KL: variants seen among roughly 807,000 people sequenced by gnomAD.
KL encodes the protein klotho, also known as alpha-klotho.
In KL, 62 loss-of-function variants were observed where a neutral mutation model predicts 84.2. The ratio of observed to expected loss-of-function variants is 0.74; its 90% CI spans 0.60 to 0.91. The LOEUF (loss-of-function observed/expected upper bound fraction) is 0.91. Ranked by LOEUF, KL falls within the 40% of genes least tolerant of loss-of-function variation. The probability of loss-of-function intolerance (pLI) is 0.00; values close to 1 mark genes in which losing one functional copy is unlikely to be tolerated. For missense variants in KL, 1,261 were observed against 1,305.7 expected (o/e 0.97, Z 0.53); for synonymous variants, 528 against 528.0 (o/e 1.00, Z 0.00).
chr13:33,016,644 C>T lies in KL; in HGVS notation c.204C>T (p.Ala68=). The T allele has an allele frequency of 1.3e-6, 2 of 1,576,644 alleles. No homozygotes were observed. Among genetic ancestry groups the T allele is most frequent in the Non-Finnish European group, 1.7e-6 (2 of 1,161,434 alleles). The part of the protein sequence containing the change: ...QGTFPDGFLW[A]VGSAAYQTEG... Reference sequence around the variant, plus strand: ...CCTTCCCCGACGGCTTCCTCTGGGCCGTGGGCAGCGCCGCCTACCAGACCG... The same window carrying T: ...CCTTCCCCGACGGCTTCCTCTGGGCTGTGGGCAGCGCCGCCTACCAGACCG... The change falls in exon 1 of 5, where the codon GCC becomes GCT. Residue 68 remains alanine (A), a synonymous_variant. Coordinates refer to ENST00000380099, the MANE Select transcript of KL (RefSeq NM_004795.4).
intron 1 of KL, among the ~76,000 whole-genome samples, chr13:33,042,286 G>C (rs1228625363): frequency 6.6e-6 from 1 of 152,036 alleles, no homozygotes; most frequent in African/African-American, 2.4e-5. Context: ...GAATTTTGAT[G>C]ACTACATACA....
chr13:33,055,291 G>C lies in KL; in HGVS notation c.1575G>C (p.Trp525Cys). ...LEGTFPCDFA[W>C]GVVDNYIQVD... Reference sequence around the variant, plus strand: ...GGACATTTCCCTGTGACTTTGCTTGGGGAGTTGTTGACAACTACATTCAAG... The same window carrying C: ...GGACATTTCCCTGTGACTTTGCTTGCGGAGTTGTTGACAACTACATTCAAG... The change falls in exon 3 of 5, where the codon TGG becomes TGC. Residue 525 changes from tryptophan to cysteine, a missense_variant. By Grantham distance (215) the Trp-to-Cys change is radical (BLOSUM62 -2). Transcript: ENST00000380099. 1 of 1,614,102 alleles carries C rather than the reference G, an allele frequency of 6.2e-7. No homozygotes were observed. Among genetic ancestry groups the C allele is most frequent in the African/African-American group, 1.3e-5 (1 of 75,020 alleles).
At position 33,064,143 on chromosome 13, in the gene KL, T is replaced by C. The variant is rs757529517; in HGVS notation, c.2996T>C (p.Leu999Pro). 6.2e-7 allele frequency: 1 copy of C among 1,612,532 alleles called. No homozygotes were observed. Among genetic ancestry groups the C allele is most frequent in the East Asian group, 2.2e-5 (1 of 44,884 alleles). Residue 999 changes from leucine to proline, a missense_variant, in exon 5 of 5, where the codon CTT becomes CCT. Transcript: ENST00000380099. Reference sequence around the variant, plus strand: ...TTTGCTTCTATTATTTCTCTCTCCCTTATATTTTACTACTCGAAGAAAGGC... The same window carrying C: ...TTTGCTTCTATTATTTCTCTCTCCCCTATATTTTACTACTCGAAGAAAGGC... ...LFFASIISLS[L>P]IFYYSKKGRR...
chr13:33,024,535 C>T (rs1870689521), intron 1 of KL, among the ~76,000 whole-genome samples: 1 of 152,176 alleles, frequency 6.6e-6, no homozygotes, highest in South Asian at 2.1e-4. Flanking sequence ...GAGTCCAGAG[C>T]CCTGGCTCCC....
chr13:33,028,670 G>A (rs1870864921), intron 1 of KL, among the ~76,000 whole-genome samples: 1 of 152,138 alleles, frequency 6.6e-6, no homozygotes, highest in Non-Finnish European at 1.5e-5. Flanking sequence ...TGGAAATTGA[G>A]GGAAGAATTA....
intron 1 of KL, among the ~76,000 whole-genome samples, chr13:33,043,459 A>G (rs1871410917): frequency 6.6e-6 from 1 of 152,066 alleles, no homozygotes; most frequent in Non-Finnish European, 1.5e-5. Context: ...GCTTCAAGTG[A>G]TTCGCCCGCC....
intron 1 of KL, among the ~76,000 whole-genome samples, chr13:33,046,464 A>G (rs1315352251): frequency 6.6e-6 from 1 of 152,166 alleles, no homozygotes; most frequent in Non-Finnish European, 1.5e-5. Flanking sequence ...TATTATAGAA[A>G]TGATATACAG....
At chr13:33,060,049 G>A (rs917638030) in intron 3 of KL, among the ~76,000 whole-genome samples, 2 of 152,082 alleles carry the variant, frequency 1.3e-5, no homozygotes, top group Non-Finnish European at 2.9e-5. Context: ...CTGCAGCCTT[G>A]ACCTCCCAGG....
rs368033227 is a variant in KL at position 33,060,669 on chromosome 13, C to T, written c.1600-10C>T. On this transcript the variant is annotated splice_polypyrimidine_tract_variant and intron_variant, in intron 3 of 4. Transcript: ENST00000380099. ...CCAGGTGACGCTAATGTTTACTCTG[C>T]CCTTCACAGGTAGATACCACTCTGT... 3.1e-6 allele frequency: 5 copies of T among 1,613,972 alleles called. No homozygotes were observed. Among genetic ancestry groups the T allele is most frequent in the Non-Finnish European group, 4.2e-6 (5 of 1,179,992 alleles).
intron 3 of KL, among the ~76,000 whole-genome samples, chr13:33,056,639 CA>C (rs57452305): frequency 0.079 from 11,342 of 144,372 alleles, 1,041 homozygotes; most frequent in African/African-American, 0.22. Flanking sequence ...ACTAAAAATA[CA>C]AAAAAAAAAA....
At chr13:33,029,177 G>A (rs539395932) in intron 1 of KL, among the ~76,000 whole-genome samples, 1 of 152,218 alleles carries the variant, frequency 6.6e-6, no homozygotes, top group South Asian at 2.1e-4. Context: ...CATATTTATA[G>A]CATTACACTC....
At chr13:33,031,350 C>T (rs1870965180) in intron 1 of KL, among the ~76,000 whole-genome samples, 1 of 152,118 alleles carries the variant, frequency 6.6e-6, no homozygotes, top group Non-Finnish European at 1.5e-5. Context: ...AAACTTCTAG[C>T]AGGGAAGGAA....
intron 3 of KL, among the ~76,000 whole-genome samples, chr13:33,056,112 C>T (rs774200964): frequency 2.0e-5 from 3 of 152,038 alleles, no homozygotes; most frequent in Admixed American, 6.5e-5. Context: ...GTCTACTGAG[C>T]GAAAACAATG....
intron 1 of KL, among the ~76,000 whole-genome samples, chr13:33,043,310 C>T (rs1183151169): frequency 6.8e-6 from 1 of 147,074 alleles, no homozygotes; most frequent in African/African-American, 2.5e-5. Flanking sequence ...ACCTCTGCCT[C>T]CCAGGTTCAA....
Position 33,060,699 on chromosome 13 carries a change from G to C in KL, c.1620G>C (p.Gln540His). The C allele has an allele frequency of 1.2e-6, 2 of 1,614,182 alleles. No individual in the cohort carries two copies. Among genetic ancestry groups the C allele is most frequent in the Non-Finnish European group, 1.7e-6 (2 of 1,180,034 alleles). Residue 540 changes from glutamine (Q) to histidine (H), a missense_variant, in exon 4 of 5, where the codon CAG (glutamine) becomes CAC (histidine). Gln to His is a conservative substitution (Grantham distance 24). Transcript: ENST00000380099. ...NYIQVDTTLS[Q>H]FTDLNVYLWD... ...CACAGGTAGATACCACTCTGTCTCA[G>C]TTTACCGACCTGAATGTTTACCTGT...
At chr13:33,060,427 A>C (rs1403238641) in intron 3 of KL, among the ~76,000 whole-genome samples, 2 of 152,210 alleles carry the variant, frequency 1.3e-5, no homozygotes, top group Non-Finnish European at 1.5e-5. Flanking sequence ...AAGTGACCAA[A>C]TCCAGACTTT....
chr13:33,049,387 G>C (rs1017737177), intron 1 of KL, among the ~76,000 whole-genome samples: 1 of 152,116 alleles, frequency 6.6e-6, no homozygotes, highest in African/African-American at 2.4e-5. Flanking sequence ...AGAGATAAAA[G>C]ACTCAATGCC....
In KL at chr13:33,061,454, A is replaced by G. The variant is rs774101605; in HGVS notation, c.2375A>G (p.Asp792Gly). 2 of 1,614,250 alleles carry G rather than the reference A, an allele frequency of 1.2e-6. No individual in the cohort carries two copies. Among genetic ancestry groups the G allele is most frequent in the Non-Finnish European group, 1.7e-6 (2 of 1,180,052 alleles). ...TTTCTTCTTCCTTATTTCACTGAAG[A>G]TGAAAAAAAGCTAATCCAGGGTACC... Reference protein sequence around the residue: ...NNFLLPYFTEDEKKLIQGTFD... With the variant: ...NNFLLPYFTEGEKKLIQGTFD... The change falls in exon 4 of 5, where the codon GAT becomes GGT. Residue 792 changes from aspartate (D) to glycine (G), a missense_variant. Asp to Gly is a moderately conservative substitution (Grantham distance 94). Coordinates refer to ENST00000380099, the MANE Select transcript of KL (RefSeq NM_004795.4).
chr13:33,029,885 G>C (rs542387093), intron 1 of KL, among the ~76,000 whole-genome samples: 1 of 151,536 alleles, frequency 6.6e-6, no homozygotes, highest in Non-Finnish European at 1.5e-5. Flanking sequence ...CACTCACCTC[G>C]GCCTCCCAAA....
Sources: gnomAD v4.1 joint callset for allele counts (sites outside exome capture counted in the v4.1 genomes callset) on GRCh38, gnomAD v4.1.1 for gene constraint, MANE v1.5 for transcripts, NCBI Gene and HGNC (gene_info 2026-07-23, HGNC 2026-07-21) for gene names.